Variants in KLHL15 observed in about 807,000 individuals in gnomAD.
KLHL15 encodes kelch like family member 15.
In KLHL15, 1 loss-of-function variant was observed where a neutral mutation model predicts 29.3. That is an observed-to-expected ratio of 0.03 (90% confidence interval 0.01 to 0.16). KLHL15 has a LOEUF of 0.16. Ranked by LOEUF, KLHL15 falls within the 10% of genes least tolerant of loss-of-function variation. KLHL15 has a pLI of 1.00. For missense variants in KLHL15, 215 were observed against 478.5 expected, an observed-to-expected ratio of 0.45 and a Z score of 5.14; for synonymous variants, 212 against 184.5, an observed-to-expected ratio of 1.15 and a Z score of -1.21.
chrX:24,003,399 A>C (rs915232146), intron 3 of KLHL15, among the ~76,000 whole-genome samples: 3 of 108,634 alleles, frequency 2.8e-5, no homozygotes, highest in African/African-American at 1.0e-4. Flanking sequence ...AAAAATGCAA[A>C]AAAATTAGCC....
chrX:23,998,927 C>T (rs781313292), intron 3 of KLHL15, among the ~76,000 whole-genome samples: 3 of 110,759 alleles, frequency 2.7e-5, no homozygotes, highest in Non-Finnish European at 5.7e-5. Context: ...TTGATTGAGA[C>T]GGAGTTTCGC....
At chrX:24,003,904 G>A (rs1010832685) in intron 3 of KLHL15, among the ~76,000 whole-genome samples, 49 of 105,375 alleles carry the variant, frequency 4.7e-4, no homozygotes, top group African/African-American at 1.6e-3. Context: ...GGACAACAGT[G>A]AGACCCTATC....
At chrX:24,020,596 G>GA (rs887173151) in intron 2 of KLHL15, among the ~76,000 whole-genome samples, 127 of 106,150 alleles carry the variant, frequency 1.2e-3, no homozygotes, top group African/African-American at 3.4e-3. Context: ...AGCCTTATAA[G>GA]AAAAAAAAAA....
chrX:23,995,065 ATGATTAAC>A (rs1185826245), intron 3 of KLHL15, among the ~76,000 whole-genome samples: 1 of 111,774 alleles, frequency 8.9e-6, no homozygotes, highest in Non-Finnish European at 1.9e-5. Flanking sequence ...AGTATGAGAA[ATGATTAAC>A]TTTGAATACA....
chrX:23,989,166 T>C, intron 3 of KLHL15, 136 bp from the exon 4 acceptor site: 1 of 519,697 alleles, frequency 1.9e-6, no homozygotes, highest in South Asian at 3.8e-5. Context: ...CTACTTTCTT[T>C]TGTTTTCTAC....
intron 3 of KLHL15, among the ~76,000 whole-genome samples, chrX:24,003,101 T>C (rs180856602): frequency 1.8e-5 from 2 of 112,458 alleles, no homozygotes; most frequent in East Asian, 5.6e-4. Context: ...TCCTGCACTT[T>C]AGGGTCTTCT....
chrX:24,006,274 T>C lies in KLHL15; in HGVS notation c.420A>G (p.Leu140=), dbSNP rs367816998. ...LENCAEIMRL[L]DDFGVNIEGV... is the part of the protein sequence containing the mutation. ...CCTCGATGTTTACGCCGAAATCATC[T>C]AAGAGTCTCATAATTTCTGCACAAT... The change falls in exon 3 of 4, where the codon TTA becomes TTG. Residue 140 remains leucine (L), a synonymous_variant. Transcript: ENST00000328046. 1.5e-5 allele frequency: 18 copies of C among 1,211,918 alleles called. No individual in the cohort carries two copies. Among genetic ancestry groups the C allele is most frequent in the Non-Finnish European group, 1.9e-5 (17 of 895,588 alleles).
chrX:24,025,899 T>C (rs1157578782), intron 1 of KLHL15, among the ~76,000 whole-genome samples: 5 of 110,717 alleles, frequency 4.5e-5, no homozygotes, highest in Admixed American at 3.8e-4. Context: ...GACACTCAGC[T>C]GTCCTCGTCC....
intron 2 of KLHL15, among the ~76,000 whole-genome samples, chrX:24,017,472 T>C (rs920107466): frequency 1.3e-4 from 14 of 110,278 alleles, no homozygotes; most frequent in Non-Finnish European, 2.3e-4. Flanking sequence ...CTAGGGTTTA[T>C]CATAATGCAG....
chrX:24,008,249 T>C (rs1929494820), intron 2 of KLHL15, among the ~76,000 whole-genome samples: 1 of 112,232 alleles, frequency 8.9e-6, no homozygotes, highest in South Asian at 3.6e-4. Context: ...TAATTCAGTC[T>C]ATTTTTTTGT....
intron 2 of KLHL15, among the ~76,000 whole-genome samples, chrX:24,008,899 A>T (rs1239274597): frequency 9.1e-6 from 1 of 110,075 alleles, no homozygotes; most frequent in Admixed American, 9.7e-5. Context: ...CAAAAAAAAA[A>T]CTTTTAGAGC....
chrX:23,989,272 G>A (rs1359828335), intron 3 of KLHL15, among the ~76,000 whole-genome samples: 5 of 108,138 alleles, frequency 4.6e-5, no homozygotes, highest in African/African-American at 1.7e-4. Flanking sequence ...CTCACCGCAA[G>A]CTCCGCCTCC....
chrX:24,023,168 T>C (rs1929848416), intron 2 of KLHL15, among the ~76,000 whole-genome samples: 1 of 111,848 alleles, frequency 8.9e-6, no homozygotes, highest in Non-Finnish European at 1.9e-5. Flanking sequence ...TTAAACCAAG[T>C]GTGGGGCCCT....
At chrX:24,001,392 T>C (rs1929311756) in intron 3 of KLHL15, among the ~76,000 whole-genome samples, 1 of 111,854 alleles carries the variant, frequency 8.9e-6, no homozygotes. Context: ...ATATTTATAA[T>C]ACTGAAGATA....
chrX:23,987,334 G>A lies in KLHL15; in HGVS notation c.*587C>T, dbSNP rs935188436. 2 of 112,460 alleles carry A rather than the reference G, an allele frequency of 1.8e-5. No individual in the cohort carries two copies. Among genetic ancestry groups the A allele is most frequent in the Admixed American group, 9.5e-5 (1 of 10,551 alleles). 9.3% of individuals were successfully genotyped at this position (112,460 alleles called of 1,213,427 possible). A position where few individuals can be genotyped will look rare whatever the true frequency, so the allele number is the denominator to read the frequency against. ...CCTTGTGTATTTATAGGTTGTATGC[G>A]AGTATGAATATGCTTTCACTAACAC... On this transcript the variant is annotated 3_prime_UTR_variant, in exon 4 of 4. Transcript: ENST00000328046.
chrX:24,006,622 C>A lies in KLHL15; in HGVS notation c.72G>T (p.Leu24=). Residue 24 remains leucine (L), a synonymous_variant, in exon 3 of 4, where the codon CTG becomes CTT. Coordinates refer to ENST00000328046, the MANE Select transcript of KLHL15 (RefSeq NM_030624.3). ...DTSVSAGFRA[L]YEEGLLLDVT... is the part of the protein sequence containing the mutation. ...CATCAAGAAGCAATCCCTCCTCATA[C>A]AGTGCTCTGAACCCAGCAGAGACAC... is the stretch of plus-strand genomic sequence containing the variant. 1 of 1,211,224 alleles carries A rather than the reference C, an allele frequency of 8.3e-7. No individual in the cohort carries two copies. Among genetic ancestry groups the A allele is most frequent in the Non-Finnish European group, 1.1e-6 (1 of 895,266 alleles).
intron 2 of KLHL15, among the ~76,000 whole-genome samples, chrX:24,009,035 GATCA>G (rs991260300): frequency 3.6e-5 from 4 of 111,077 alleles, no homozygotes; most frequent in Admixed American, 9.7e-5. Context: ...CACATCTTCT[GATCA>G]ATCACTCTCA....
At position 23,985,553 on chromosome X, in the gene KLHL15, G is replaced by T. The variant is rs1018209940; in HGVS notation, c.*2368C>A. 1 of 112,356 alleles carries T rather than the reference G, an allele frequency of 8.9e-6. No homozygotes were observed. The highest frequency in any genetic ancestry group is 1.9e-5 in the Non-Finnish European group (1 of 53,237). The allele number at this position is 112,356 out of a possible 1,213,427, so 9.3% of individuals were successfully genotyped here. On this transcript the variant is annotated 3_prime_UTR_variant, in exon 4 of 4. Coordinates refer to ENST00000328046, the MANE Select transcript of KLHL15 (RefSeq NM_030624.3). ...GATTACAGCTAACATCAGGTCCGAC[G>T]TGACTTACGTAAAGCTGAACCCAGA...
At chrX:24,013,129 G>A (rs1929607838) in intron 2 of KLHL15, among the ~76,000 whole-genome samples, 1 of 111,616 alleles carries the variant, frequency 9.0e-6, no homozygotes. Context: ...ACAGGGTCTT[G>A]CTATGTTCCC....
Sources: gnomAD v4.1 joint callset for allele counts (sites outside exome capture counted in the v4.1 genomes callset) on GRCh38, gnomAD v4.1.1 for gene constraint, MANE v1.5 for transcripts, NCBI Gene and HGNC (gene_info 2026-07-23, HGNC 2026-07-21) for gene names.